The following CERS5 variants were observed in gnomAD, a reference collection of about 807,000 sequenced individuals.
CERS5 encodes ceramide synthase 5, also known as LAG1 homolog, ceramide synthase 5.
A neutral mutation model predicts 58.9 loss-of-function variants in CERS5; 37 were observed. The ratio of observed to expected loss-of-function variants is 0.63; its 90% CI spans 0.48 to 0.83. The LOEUF is 0.83. CERS5 is among the 40% of genes least tolerant of loss of function. The pLI is 0.00. For missense variants in CERS5, 398 were observed against 489.3 expected (o/e 0.81, Z 1.76); for synonymous variants, 147 against 177.8 (o/e 0.83, Z 1.38).
At chr12:50,147,699 C>A (rs1952370671) in intron 1 of CERS5, among the ~76,000 whole-genome samples, 1 of 152,164 alleles carries the variant, frequency 6.6e-6, no homozygotes, top group Non-Finnish European at 1.5e-5. Flanking sequence ...CAGATATTTT[C>A]AAAAATGTTA....
intron 1 of CERS5, among the ~76,000 whole-genome samples, chr12:50,162,611 T>G (rs189626908): frequency 1.3e-5 from 2 of 148,310 alleles, no homozygotes; most frequent in Non-Finnish European, 3.0e-5. Context: ...CTCTCTCTCT[T>G]TTTTTTTTTT....
chr12:50,133,687 A>C lies in CERS5; in HGVS notation c.1029+859T>G, dbSNP rs925838307. ...AATGGTTGAGGCCATCTCTTAAAAA[A>C]CTCTTAACCCTATCATCCTTTAACA... On this transcript the variant is annotated intron_variant, in intron 9 of 9. Coordinates refer to ENST00000317551, the MANE Select transcript of CERS5 (RefSeq NM_147190.5). 5.1e-6 allele frequency: 5 copies of C among 985,022 alleles called. No individual in the cohort carries two copies. In the African/African-American group the frequency reaches 8.8e-5, roughly 17 times the overall value. The allele number at this position is 985,022 out of a possible 1,614,324, so 61.0% of individuals were successfully genotyped here.
chr12:50,153,442 G>C (rs1167178047), intron 1 of CERS5, among the ~76,000 whole-genome samples: 3 of 151,502 alleles, frequency 2.0e-5, no homozygotes, highest in African/African-American at 7.3e-5. Context: ...ACCACGTCCA[G>C]CTAATTTTTG....
chr12:50,131,146 T>G (rs1193567874), intron 9 of CERS5, among the ~76,000 whole-genome samples: 1 of 152,262 alleles, frequency 6.6e-6, no homozygotes, highest in Non-Finnish European at 1.5e-5. Context: ...TCCCCAAAGC[T>G]GATCCATAAC....
chr12:50,160,595 C>T (rs2138264306), intron 1 of CERS5, among the ~76,000 whole-genome samples: 1 of 152,290 alleles, frequency 6.6e-6, no homozygotes, highest in Non-Finnish European at 1.5e-5. Flanking sequence ...ACATAAAGCT[C>T]CTATTATAGT....
Position 50,144,873 on chromosome 12 carries a change from C to T in CERS5, c.198-816G>A, listed in dbSNP as rs186265857. ...TAAAAAAGCCGGGCGTGGTGGCTCA[C>T]GCCTGTAATCCCAGCACTTTGGGAG... On this transcript the variant is annotated intron_variant, in intron 1 of 9. Coordinates refer to ENST00000317551, the MANE Select transcript of CERS5 (RefSeq NM_147190.5). 56 of 1,084,134 alleles carry T rather than the reference C, an allele frequency of 5.2e-5. No individual in the cohort carries two copies. The South Asian group carries it at 7.2e-4, about 14-fold the overall frequency. The allele number at this position is 1,084,134 out of a possible 1,614,324, so 67.2% of individuals were successfully genotyped here.
At chr12:50,144,923 C>G in intron 1 of CERS5, 1 of 513,360 alleles carries the variant, frequency 1.9e-6, no homozygotes. Context: ...ATCACAAGGT[C>G]AGGAGTTGGA....
At chr12:50,149,834 G>A (rs1937746908) in intron 1 of CERS5, among the ~76,000 whole-genome samples, 1 of 152,142 alleles carries the variant, frequency 6.6e-6, no homozygotes, top group South Asian at 2.1e-4. Flanking sequence ...CCGCCTCCCA[G>A]GTTCAAGTAA....
At chr12:50,148,830 G>A (rs150469243) in intron 1 of CERS5, among the ~76,000 whole-genome samples, 4,391 of 148,060 alleles carry the variant, frequency 0.03, 231 homozygotes, top group African/African-American at 0.1. Flanking sequence ...GCTTGAACCC[G>A]GGAAGCGAAG....
At chr12:50,134,424 C>T (rs760449802) in intron 9 of CERS5, 122 bp downstream of exon 9, 1 of 1,604,754 alleles carries the variant, frequency 6.2e-7, no homozygotes, top group Non-Finnish European at 8.5e-7. Context: ...CTTTGGAGCC[C>T]TAGGCTTTTT....
intron 3 of CERS5, 67 bp from the exon 4 acceptor site, chr12:50,142,177 G>A: frequency 9.5e-7 from 1 of 1,048,340 alleles, no homozygotes; most frequent in African/African-American, 1.6e-5. Context: ...GGCTACGGAA[G>A]TCAAGATAGC....
At chr12:50,153,211 C>T (rs1015792378) in intron 1 of CERS5, among the ~76,000 whole-genome samples, 3 of 150,332 alleles carry the variant, frequency 2.0e-5, no homozygotes, top group Non-Finnish European at 3.0e-5. Context: ...AGCCTGACAA[C>T]TTCTCAATAC....
intron 1 of CERS5, chr12:50,144,287 G>C: frequency 2.2e-6 from 1 of 453,592 alleles, no homozygotes; most frequent in Non-Finnish European, 4.0e-6. Flanking sequence ...GGGATTACAG[G>C]CGTGGGCCAC....
At chr12:50,130,825 T>C in intron 9 of CERS5, 131 bp from the exon 10 acceptor site, 1 of 703,622 alleles carries the variant, frequency 1.4e-6, no homozygotes, top group South Asian at 2.4e-5. Flanking sequence ...CAAAGAAGTA[T>C]TGTCTGGACT....
At position 50,129,327 on chromosome 12, in the gene CERS5, C is replaced by T. The variant is rs2137960583; in HGVS notation, c.*1218G>A. 1 of 152,204 alleles carries T rather than the reference C, an allele frequency of 6.6e-6. No homozygotes were observed. The highest frequency in any genetic ancestry group is 2.1e-4 in the South Asian group (1 of 4,824). The allele number at this position is 152,204 out of a possible 1,614,324, so 9.4% of individuals were successfully genotyped here. A position where few individuals can be genotyped will look rare whatever the true frequency, so the allele number is the denominator to read the frequency against. ...TTATTATTGTTTTATCCAATTGCAT[C>T]TTTTGTCAGATTAGCTACACCAACC... On this transcript the variant is annotated 3_prime_UTR_variant, in exon 10 of 10. Coordinates refer to ENST00000317551, the MANE Select transcript of CERS5 (RefSeq NM_147190.5).
At chr12:50,133,403 A>G in intron 9 of CERS5, 1 of 1,029,998 alleles carries the variant, frequency 9.7e-7, no homozygotes, top group Non-Finnish European at 1.2e-6. Context: ...GAAACACTAC[A>G]TACCCATTCA....
intron 1 of CERS5, among the ~76,000 whole-genome samples, chr12:50,158,060 C>A (rs75799054): frequency 6.8e-4 from 55 of 81,364 alleles, no homozygotes; most frequent in African/African-American, 1.4e-3. Flanking sequence ...AGACCATGAC[C>A]AAAAAAAAAA....
At chr12:50,135,352 AG>A in intron 8 of CERS5, 1 of 370,840 alleles carries the variant, frequency 2.7e-6, no homozygotes, top group Non-Finnish European at 5.2e-6. Context: ...TGTGTGTGTC[AG>A]GGTTGGGACC....
intron 9 of CERS5, chr12:50,133,012 G>T (rs1339110285): frequency 5.7e-5 from 74 of 1,289,146 alleles, no homozygotes; most frequent in Non-Finnish European, 7.4e-5. Context: ...AAAAAGGAAG[G>T]AGGTGAGGAA....
Sources: gnomAD v4.1 joint callset for allele counts (sites outside exome capture counted in the v4.1 genomes callset) on GRCh38, gnomAD v4.1.1 for gene constraint, MANE v1.5 for transcripts, NCBI Gene and HGNC (gene_info 2026-07-23, HGNC 2026-07-21) for gene names.